The following PITPNC1 variants were observed in gnomAD, a reference collection of about 807,000 sequenced individuals.
PITPNC1 encodes cytoplasmic phosphatidylinositol transfer protein 1.
PITPNC1 carries 18 observed loss-of-function variants against 44.7 expected under a neutral mutation model. The observed-to-expected ratio is 0.40, with a 90% CI of 0.28 to 0.60. The LOEUF (loss-of-function observed/expected upper bound fraction) is 0.60, where lower values mean the gene tolerates loss of function less well. Among genes scored for constraint, PITPNC1 ranks in the 20% least tolerant of loss-of-function variants. The pLI is 0.39. For missense variants in PITPNC1, 290 were observed against 418.4 expected (o/e 0.69, Z 2.68); for synonymous variants, 141 against 149.6 (o/e 0.94, Z 0.42).
chr17:67,610,091 C>G (rs1362499716), intron 5 of PITPNC1, among the ~76,000 whole-genome samples: 5 of 152,170 alleles, frequency 3.3e-5, no homozygotes, highest in Non-Finnish European at 7.3e-5. Flanking sequence ...TCCGCTATTC[C>G]ATGCTCCCTG....
At chr17:67,497,011 A>G (rs1490160928) in intron 1 of PITPNC1, among the ~76,000 whole-genome samples, 1 of 151,962 alleles carries the variant, frequency 6.6e-6, no homozygotes, top group Non-Finnish European at 1.5e-5. Flanking sequence ...CTGTGGTCCC[A>G]GCTACTCGGG....
intron 5 of PITPNC1, among the ~76,000 whole-genome samples, chr17:67,624,993 CT>C (rs768099072): frequency 2.1e-4 from 32 of 152,074 alleles, no homozygotes; most frequent in Admixed American, 3.9e-4. Context: ...TCAGATTTGC[CT>C]TCCCCATGTA....
At chr17:67,421,956 T>G (rs1445651763) in intron 1 of PITPNC1, among the ~76,000 whole-genome samples, 1 of 152,054 alleles carries the variant, frequency 6.6e-6, no homozygotes, top group African/African-American at 2.4e-5. Context: ...TGCATGTAGG[T>G]GACACATGAG....
intron 1 of PITPNC1, among the ~76,000 whole-genome samples, chr17:67,453,354 A>C (rs1457570578): frequency 6.6e-6 from 1 of 152,194 alleles, no homozygotes; most frequent in East Asian, 1.9e-4. Context: ...GGTGAGAGGT[A>C]ATGGAGAAAA....
At chr17:67,537,238 CAA>C (rs1160724251) in intron 2 of PITPNC1, among the ~76,000 whole-genome samples, 2 of 151,978 alleles carry the variant, frequency 1.3e-5, no homozygotes, top group Admixed American at 6.6e-5. Flanking sequence ...TGCAATAAAA[CAA>C]GAGAGAAATA....
intron 3 of PITPNC1, chr17:67,553,132 G>C (rs975117905): frequency 6.6e-6 from 1 of 152,526 alleles, no homozygotes; most frequent in African/African-American, 2.4e-5. Flanking sequence ...ACTGAATACT[G>C]TCCTAGAAAC....
chr17:67,499,107 C>G (rs2949944), intron 1 of PITPNC1, among the ~76,000 whole-genome samples: 1,690 of 152,244 alleles, frequency 0.011, 36 homozygotes, highest in African/African-American at 0.039. Flanking sequence ...CTCCTGACCT[C>G]CAGTGATCTG....
intron 5 of PITPNC1, among the ~76,000 whole-genome samples, chr17:67,602,920 T>C (rs1292699244): frequency 1.3e-5 from 2 of 151,990 alleles, no homozygotes; most frequent in Non-Finnish European, 2.9e-5. Context: ...TATTTTTTTT[T>C]TGTAGAGATG....
chr17:67,465,816 G>C (rs548816333), intron 1 of PITPNC1, among the ~76,000 whole-genome samples: 1 of 152,060 alleles, frequency 6.6e-6, no homozygotes, highest in South Asian at 2.1e-4. Flanking sequence ...AGCTCCTTGT[G>C]CCTTTTGTCA....
intron 1 of PITPNC1, among the ~76,000 whole-genome samples, chr17:67,472,374 G>C (rs780498892): frequency 8.7e-4 from 127 of 146,218 alleles, no homozygotes; most frequent in Non-Finnish European, 9.6e-4. Context: ...AGGACCGGGT[G>C]CGGTGGCTCA....
At chr17:67,561,726 A>T (rs2144190451) in intron 4 of PITPNC1, among the ~76,000 whole-genome samples, 1 of 152,234 alleles carries the variant, frequency 6.6e-6, no homozygotes, top group African/African-American at 2.4e-5. Flanking sequence ...TGTATTTGGG[A>T]AGTCACACTG....
chr17:67,595,983 C>T (rs2041455006), intron 5 of PITPNC1, among the ~76,000 whole-genome samples: 1 of 152,084 alleles, frequency 6.6e-6, no homozygotes, highest in African/African-American at 2.4e-5. Flanking sequence ...AGCAAAATGC[C>T]ATCATGGAAG....
rs115059556 is a variant in PITPNC1 at position 67,689,369 on chromosome 17, G to T, written c.683-3203G>T. Among the ~76,000 whole-genome samples the T allele has an allele frequency of 9.0e-3, 1,369 of 152,282 alleles. 24 individuals are homozygous for T. Among genetic ancestry groups the T allele is most frequent in the African/African-American group, 0.031 (1,298 of 41,554 alleles). ...TTGTTCCCGTGACTTCAGGGTGAAAGATGCCTGCCACCGGAGAAGTTACAC... is the reference window on the plus strand; with the variant it reads ...TTGTTCCCGTGACTTCAGGGTGAAATATGCCTGCCACCGGAGAAGTTACAC... On this transcript the variant is annotated intron_variant, in intron 8 of 8. Coordinates refer to ENST00000581322, the MANE Select transcript of PITPNC1 (RefSeq NM_012417.4).
At chr17:67,616,189 G>A (rs9914152) in intron 5 of PITPNC1, among the ~76,000 whole-genome samples, 16,744 of 152,124 alleles carry the variant, frequency 0.11, 971 homozygotes, top group Non-Finnish European at 0.13. Context: ...CGCCCAGGCT[G>A]GAGTGCAATG....
intron 1 of PITPNC1, among the ~76,000 whole-genome samples, chr17:67,432,943 G>A (rs1269782418): frequency 6.6e-6 from 1 of 152,174 alleles, no homozygotes; most frequent in Non-Finnish European, 1.5e-5. Flanking sequence ...TATTCTGGAG[G>A]TGGGAGGAGG....
chr17:67,467,054 ATTTTTTTTT>A (rs10623552), intron 1 of PITPNC1, among the ~76,000 whole-genome samples: 1 of 95,342 alleles, frequency 1.0e-5, no homozygotes, highest in South Asian at 4.0e-4. Context: ...CAGTTAGGAG[ATTTTTTTTT>A]TTTTTTTTTT....
intron 1 of PITPNC1, among the ~76,000 whole-genome samples, chr17:67,470,547 T>G (rs376206895): frequency 1.1e-4 from 16 of 151,940 alleles, no homozygotes; most frequent in African/African-American, 3.9e-4. Context: ...TTTTTGAAAT[T>G]CATCCATATT....
chr17:67,509,004 C>T (rs372614927), intron 1 of PITPNC1, among the ~76,000 whole-genome samples: 33 of 151,966 alleles, frequency 2.2e-4, no homozygotes, highest in African/African-American at 5.1e-4. Flanking sequence ...GAGGCCAAGG[C>T]GGGTGGATCA....
At chr17:67,378,563 A>ATCCCGTCCTGGCCGTGGGCCCAGCC (rs2037906406) in intron 1 of PITPNC1, among the ~76,000 whole-genome samples, 1 of 152,008 alleles carries the variant, frequency 6.6e-6, no homozygotes, top group African/African-American at 2.4e-5. Flanking sequence ...TTTGGGGGGC[A>ATCCCGTCCTGGCCGTGGGCCCAGCC]TCCCGTCCTG....
Sources: allele counts gnomAD v4.1 joint callset (sites outside exome capture counted in the v4.1 genomes callset), GRCh38; gene constraint gnomAD v4.1.1; transcripts MANE v1.5; gene names NCBI Gene and HGNC (gene_info 2026-07-23, HGNC 2026-07-21).